Variants in DLGAP1 observed in about 807,000 individuals in gnomAD.
DLGAP1 encodes the protein DLG associated protein 1.
In DLGAP1, 11 loss-of-function variants were observed where a neutral mutation model predicts 90.8. The observed-to-expected ratio is 0.12, with a 90% CI of 0.08 to 0.20. DLGAP1 has a LOEUF of 0.20. DLGAP1 is among the 10% of genes least tolerant of loss of function. The pLI is 1.00. For synonymous variants in DLGAP1, 558 were observed against 540.7 expected, an observed-to-expected ratio of 1.03 and a Z score of -0.44; for missense variants, 1,050 against 1,333.8, an observed-to-expected ratio of 0.79 and a Z score of 3.31.
intron 1 of DLGAP1, among the ~76,000 whole-genome samples, chr18:4,350,918 A>G (rs970078223): frequency 3.0e-4 from 45 of 152,130 alleles, no homozygotes; most frequent in Non-Finnish European, 5.9e-5. Context: ...AGACTTTGGA[A>G]TTAATATAGA....
chr18:4,014,503 G>A (rs1260101450), intron 2 of DLGAP1, among the ~76,000 whole-genome samples: 1 of 152,108 alleles, frequency 6.6e-6, no homozygotes, highest in African/African-American at 2.4e-5. Context: ...GGAAATTACA[G>A]TTAACAAAAA....
rs147052274 is a variant in DLGAP1, at chr18:3,904,170, T to C, written c.-72-24030A>G. Among the ~76,000 whole-genome samples, 6 of 152,310 alleles carry C rather than the reference T, an allele frequency of 3.9e-5. No homozygotes were observed. The East Asian group carries it at 1.2e-3, about 29-fold the overall frequency. ...GGGGATAAATCCCCTAAGTAACCAA[T>C]GGCTGTGAATGATAGCATGTTAGAC... is the stretch of plus-strand genomic sequence containing the variant. On this transcript the variant is annotated intron_variant, in intron 3 of 12. Coordinates refer to ENST00000315677, the MANE Select transcript of DLGAP1 (RefSeq NM_004746.4).
intron 10 of DLGAP1, among the ~76,000 whole-genome samples, chr18:3,516,611 CGATGCTTAATG>C (rs1568113275): frequency 1.3e-5 from 2 of 152,028 alleles, no homozygotes; most frequent in African/African-American, 4.8e-5. Flanking sequence ...CATAAAACAG[CGATGCTTAATG>C]GACTCACAGT....
At chr18:4,432,627 G>GTGT (rs1374312597) in intron 1 of DLGAP1, among the ~76,000 whole-genome samples, 9 of 77,510 alleles carry the variant, frequency 1.2e-4, no homozygotes, top group Non-Finnish European at 1.8e-4. Context: ...TGTGTGTGTG[G>GTGT]TGAGAATATT....
At chr18:4,082,025 T>C (rs1355747671) in intron 2 of DLGAP1, among the ~76,000 whole-genome samples, 1 of 151,460 alleles carries the variant, frequency 6.6e-6, no homozygotes, top group African/African-American at 2.4e-5. Context: ...CTGGCCAACA[T>C]GGTGAAATAC....
intron 1 of DLGAP1, among the ~76,000 whole-genome samples, chr18:4,238,424 T>C (rs778024702): frequency 6.6e-6 from 1 of 152,216 alleles, no homozygotes; most frequent in Non-Finnish European, 1.5e-5. Context: ...TTAAGTCAAT[T>C]TGACAACTTC....
intron 8 of DLGAP1, among the ~76,000 whole-genome samples, chr18:3,578,627 T>A (rs2055299308): frequency 6.6e-6 from 1 of 151,178 alleles, no homozygotes; most frequent in South Asian, 2.1e-4. Flanking sequence ...AGTGCTGAGA[T>A]TACAGGCCTG....
At chr18:4,046,676 A>C (rs969376742) in intron 2 of DLGAP1, among the ~76,000 whole-genome samples, 1 of 152,254 alleles carries the variant, frequency 6.6e-6, no homozygotes, top group Admixed American at 6.5e-5. Flanking sequence ...TTTGAAAGAA[A>C]AATAAACAAC....
intron 2 of DLGAP1, among the ~76,000 whole-genome samples, chr18:4,142,808 G>A (rs1598474906): frequency 6.6e-6 from 1 of 152,094 alleles, no homozygotes; most frequent in Non-Finnish European, 1.5e-5. Flanking sequence ...GGGCATATCT[G>A]TATTAGGCGG....
Position 3,534,367 on chromosome 18 carries a change from G to A in DLGAP1, c.2306C>T (p.Pro769Leu). The change falls in exon 10 of 13, where the codon CCG becomes CTG. Residue 769 changes from proline (P) to leucine (L), a missense_variant. Around this residue, in one of 2 missense-constraint regions of DLGAP1, gnomAD observed 565 missense variants for 879.7 expected, o/e 0.64. Coordinates refer to ENST00000315677, the MANE Select transcript of DLGAP1 (RefSeq NM_004746.4). Reference sequence around the variant, plus strand: ...AGTGATAGAGTCAATCCAGGGGTCCGGAGGAGGCAGAATAGAGGGGTCAAA... The same window carrying A: ...AGTGATAGAGTCAATCCAGGGGTCCAGAGGAGGCAGAATAGAGGGGTCAAA... Reference protein sequence around the residue: ...TDFDPSILPPPDPWIDSITED... With the variant: ...TDFDPSILPPLDPWIDSITED... The A allele has an allele frequency of 3.7e-6, 6 of 1,614,120 alleles. No individual in the cohort carries two copies. Among genetic ancestry groups the A allele is most frequent in the African/African-American group, 1.3e-5 (1 of 75,036 alleles).
chr18:3,782,443 C>T (rs1298192322), intron 5 of DLGAP1, among the ~76,000 whole-genome samples: 2 of 152,144 alleles, frequency 1.3e-5, no homozygotes, highest in Non-Finnish European at 2.9e-5. Context: ...GGCCTTGGTC[C>T]AAGATTTAAA....
chr18:4,010,597 T>C (rs190091873), intron 2 of DLGAP1, among the ~76,000 whole-genome samples: 1 of 152,254 alleles, frequency 6.6e-6, no homozygotes, highest in African/African-American at 2.4e-5. Context: ...AATGAAGCAT[T>C]TGAGGCAACA....
At chr18:3,666,762 T>A (rs767563864) in intron 7 of DLGAP1, among the ~76,000 whole-genome samples, 1 of 152,210 alleles carries the variant, frequency 6.6e-6, no homozygotes, top group Non-Finnish European at 1.5e-5. Flanking sequence ...AAACAATTTT[T>A]AAATTTGTTT....
intron 2 of DLGAP1, among the ~76,000 whole-genome samples, chr18:4,046,697 T>G (rs1425604788): frequency 6.6e-6 from 1 of 152,270 alleles, no homozygotes; most frequent in Non-Finnish European, 1.5e-5. Context: ...TGATTAAACT[T>G]ACATCACTAG....
chr18:3,932,518 C>T (rs931541398), intron 3 of DLGAP1, among the ~76,000 whole-genome samples: 1 of 152,198 alleles, frequency 6.6e-6, no homozygotes, highest in Non-Finnish European at 1.5e-5. Flanking sequence ...TGCCCACCAG[C>T]AGAAGCCAAA....
intron 7 of DLGAP1, among the ~76,000 whole-genome samples, chr18:3,641,366 G>A (rs930475368): frequency 4.6e-5 from 7 of 151,524 alleles, no homozygotes; most frequent in South Asian, 2.1e-4. Context: ...AGGAAATCCC[G>A]TCTCTACTAA....
At position 4,305,921 on chromosome 18, in the gene DLGAP1, T is replaced by A. The variant is rs571061855; in HGVS notation, c.-267+149085A>T. Among the ~76,000 whole-genome samples the A allele has an allele frequency of 2.0e-5, 3 of 151,804 alleles. No homozygotes were observed. The East Asian group carries it at 5.8e-4, about 29-fold the overall frequency. ...TGGCATGATTATTATTTTTTTTTTG[T>A]CAGAGGAATTTTAGGTTTTAGTTTT... On this transcript the variant is annotated intron_variant, in intron 1 of 12. Coordinates refer to ENST00000315677, the MANE Select transcript of DLGAP1 (RefSeq NM_004746.4).
intron 7 of DLGAP1, among the ~76,000 whole-genome samples, chr18:3,665,308 C>T (rs1343568250): frequency 6.7e-6 from 1 of 149,568 alleles, no homozygotes; most frequent in Non-Finnish European, 1.5e-5. Context: ...GAAATAATTG[C>T]TGCTTCCTTA....
intron 3 of DLGAP1, among the ~76,000 whole-genome samples, chr18:3,882,645 T>G (rs2071205568): frequency 6.6e-6 from 1 of 151,976 alleles, no homozygotes; most frequent in African/African-American, 2.4e-5. Context: ...CAGGGAAAAG[T>G]CACTCATTCA....
Sources: allele counts gnomAD v4.1 joint callset (sites outside exome capture counted in the v4.1 genomes callset), GRCh38; gene constraint gnomAD v4.1.1; regional missense constraint gnomAD v4.1.1; transcripts MANE v1.5; gene names NCBI Gene and HGNC (gene_info 2026-07-23, HGNC 2026-07-21).